The following HMCN2 variants were observed in gnomAD, a reference collection of about 807,000 sequenced individuals.
The protein encoded by HMCN2 is hemicentin-2.
A neutral mutation model predicts 377.5 loss-of-function variants in HMCN2; 325 were observed. The ratio of observed to expected loss-of-function variants is 0.86; its 90% CI spans 0.79 to 0.94. HMCN2 has a LOEUF of 0.94. Among genes scored for constraint, HMCN2 ranks in the 40% least tolerant of loss-of-function variants. The pLI is 0.00. For synonymous variants in HMCN2, 2,007 were observed against 2,046.8 expected, an observed-to-expected ratio of 0.98 and a Z score of 0.53; for missense variants, 4,543 against 4,725.3, an observed-to-expected ratio of 0.96 and a Z score of 1.13.
At position 130,423,008 on chromosome 9, in the gene HMCN2, G is replaced by A. The variant is rs181197059; in HGVS notation, c.13381+282G>A. Among the ~76,000 whole-genome samples the A allele has an allele frequency of 1.2e-3, 181 of 152,180 alleles. No individual in the cohort carries two copies. Among genetic ancestry groups the A allele is most frequent in the African/African-American group, 4.1e-3 (172 of 41,524 alleles). ...GAAACGGTCAGTGTTCTGGGGGTGC[G>A]GGCGCTCAGATTGTGGTTTCCCAAG... On this transcript the variant is annotated intron_variant, in intron 87 of 97. Transcript: ENST00000683500. The surrounding 1 kb of genome is among the most constrained non-coding windows in gnomAD (Gnocchi z 5.5).
In HMCN2 at chr9:130,400,840, T is replaced by C; in HGVS notation, c.11663T>C (p.Val3888Ala). The stretch of plus-strand genomic sequence containing the variant: ...TTCACCGTGACCATGATGGCACCTG[T>C]GGTCCTCACATGTCACAGCACGGGT... ...TDFTVTMMAPVVLTCHSTGIP... is the reference protein window; with the variant it reads ...TDFTVTMMAPAVLTCHSTGIP... Residue 3888 changes from valine (V) to alanine (A), a missense_variant, in exon 77 of 98, where the codon GTG becomes GCG. This residue lies in a region of HMCN2 where 1,073 missense variants were observed against 1,319.5 expected (regional missense o/e 0.81). Transcript: ENST00000683500. 7.8e-7 allele frequency: 1 copy of C among 1,289,664 alleles called. No individual in the cohort carries two copies. The highest frequency in any genetic ancestry group is 1.0e-6 in the Non-Finnish European group (1 of 988,808). 79.9% of individuals were successfully genotyped at this position (1,289,664 alleles called of 1,614,324 possible).
rs1225194322 is a variant in HMCN2, at chr9:130,295,706, C to G, written c.825C>G (p.Leu275=). Residue 275 remains leucine, a synonymous_variant, in exon 6 of 98, where the codon CTC becomes CTG. Transcript: ENST00000683500. ...AGGACGAGGGCCTCAACGTGCTTCT[C>G]AACATCCCTGACTCGGCCAAGGTCG... ...LQEDEGLNVL[L]NIPDSAKVVA... The G allele has an allele frequency of 6.4e-6, 3 of 470,978 alleles. No individual in the cohort carries two copies. Among genetic ancestry groups the G allele is most frequent in the African/African-American group, 2.0e-5 (1 of 50,078 alleles). 29.2% of individuals were successfully genotyped at this position (470,978 alleles called of 1,614,324 possible).
Position 130,309,938 on chromosome 9 carries a change from G to T in HMCN2, c.2227G>T (p.Glu743Ter), listed in dbSNP as rs782526544. 5 of 521,770 alleles carry T rather than the reference G, an allele frequency of 9.6e-6. No homozygotes were observed. Among genetic ancestry groups the T allele is most frequent in the Non-Finnish European group, 2.0e-5 (5 of 254,032 alleles). The allele number at this position is 521,770 out of a possible 1,614,324, so 32.3% of individuals were successfully genotyped here. A position where few individuals can be genotyped will look rare whatever the true frequency, so the allele number is the denominator to read the frequency against. ...RGGLEMILAP[E>*]GSSSGKLRIP... ...GGGTCTTGAAATGATCCTGGCCCCT[G>T]AGGGCTCCAGCTCTGGGAAGCTGCG... The change falls in exon 15 of 98, where the codon GAG becomes TAG. Residue 743 changes from glutamate (E) to a stop codon, truncating the protein, a stop_gained. Coordinates refer to ENST00000683500, the MANE Select transcript of HMCN2 (RefSeq NM_001291815.2). LOFTEE classifies it high-confidence loss of function.
intron 84 of HMCN2, among the ~76,000 whole-genome samples, chr9:130,409,303 C>T (rs575775747): frequency 2.6e-5 from 4 of 152,324 alleles, no homozygotes; most frequent in South Asian, 4.1e-4. Flanking sequence ...TATTTACAGA[C>T]GAAGACACTG....
At chr9:130,398,953 G>C (rs1407767665) in intron 75 of HMCN2, among the ~76,000 whole-genome samples, 1 of 152,068 alleles carries the variant, frequency 6.6e-6, no homozygotes, top group African/African-American at 2.4e-5. Flanking sequence ...AGTCACTCTT[G>C]TCTAAAAACA....
At chr9:130,374,802 T>A in intron 49 of HMCN2, 109 bp downstream of exon 49, 1 of 450,074 alleles carries the variant, frequency 2.2e-6, no homozygotes, top group Non-Finnish European at 2.9e-6. Flanking sequence ...ATTTTTCTTC[T>A]AATTCTCCGA....
rs187832827 is a variant in HMCN2, at chr9:130,359,995, G to A, written c.5774-433G>A. Among the ~76,000 whole-genome samples, 6 of 152,246 alleles carry A rather than the reference G, an allele frequency of 3.9e-5. No individual in the cohort carries two copies. In the East Asian group the frequency reaches 1.2e-3, roughly 29 times the overall value. ...GGTCCAGCCTGGCTTTGAGGCTGCT[G>A]CTTTGGGCTGGTCCATGTTCTCTAA... On this transcript the variant is annotated intron_variant, in intron 37 of 97. Transcript: ENST00000683500.
intron 84 of HMCN2, among the ~76,000 whole-genome samples, chr9:130,409,268 A>G (rs1478721279): frequency 2.6e-5 from 4 of 152,206 alleles, no homozygotes; most frequent in Admixed American, 1.3e-4. Flanking sequence ...CTCAGGGGGT[A>G]GGGTAGGCAG....
chr9:130,420,223 C>A (rs187471673), intron 86 of HMCN2, among the ~76,000 whole-genome samples: 1 of 151,946 alleles, frequency 6.6e-6, no homozygotes, highest in Admixed American at 6.6e-5. Flanking sequence ...TACAGGCACC[C>A]GCCACCATGC....
In HMCN2 at chr9:130,299,248, C is replaced by T. The variant is rs1554933343; in HGVS notation, c.1236C>T (p.Leu412=). The T allele has an allele frequency of 2.1e-6, 1 of 470,870 alleles. No individual in the cohort carries two copies. The highest frequency in any genetic ancestry group is 1.6e-5 in the South Asian group (1 of 64,510). 29.2% of individuals were successfully genotyped at this position (470,870 alleles called of 1,614,324 possible). ...GCAAGGACCATGAGGGAAACCCCCT[C>T]CTTCGTGTCTCTGGAGTGTCCTACA... is the stretch of plus-strand genomic sequence containing the variant. ...VKGKDHEGNP[L]LRVSGVSYSG... The change falls in exon 8 of 98, where the codon CTC becomes CTT. Residue 412 remains leucine, a synonymous_variant. Transcript: ENST00000683500.
chr9:130,285,418 T>C (rs1554927356), intron 3 of HMCN2, 102 bp downstream of exon 3: 3 of 408,584 alleles, frequency 7.3e-6, no homozygotes, highest in African/African-American at 6.2e-5. Context: ...AGAGCAGAGC[T>C]GGGCACTTCT....
intron 29 of HMCN2, among the ~76,000 whole-genome samples, chr9:130,350,869 C>T (rs1454458969): frequency 1.3e-5 from 2 of 151,948 alleles, no homozygotes; most frequent in African/African-American, 4.8e-5. Context: ...TACTACTGCA[C>T]TCCAGCCTGG....
chr9:130,330,968 A>AAC (rs1173053980), intron 22 of HMCN2, among the ~76,000 whole-genome samples: 13,612 of 131,256 alleles, frequency 0.1, 758 homozygotes, highest in East Asian at 0.22. Flanking sequence ...TCTCTACTGA[A>AAC]ACACACACAC....
chr9:130,430,233 G>T, intron 94 of HMCN2, 51 bp from the exon 95 acceptor site: 1 of 1,421,116 alleles, frequency 7.0e-7, no homozygotes, highest in Non-Finnish European at 9.4e-7. Context: ...GCTGCAGGCT[G>T]CAGGGGAACC....
intron 1 of HMCN2, among the ~76,000 whole-genome samples, chr9:130,282,386 G>A (rs575206621): frequency 1.3e-5 from 2 of 151,646 alleles, no homozygotes; most frequent in South Asian, 2.1e-4. Context: ...TTGGGGCAGT[G>A]AAGTGAGCTC....
chr9:130,341,973 C>T (rs1020781523), intron 24 of HMCN2, among the ~76,000 whole-genome samples: 1 of 150,532 alleles, frequency 6.6e-6, no homozygotes, highest in African/African-American at 2.4e-5. Flanking sequence ...CCCAGGAGTT[C>T]GAGACCAGTC....
chr9:130,432,601 T>G, intron 97 of HMCN2, 46 bp downstream of exon 97: 1 of 1,535,444 alleles, frequency 6.5e-7, no homozygotes, highest in East Asian at 2.5e-5. Context: ...GAAAAGCACA[T>G]TTTTCAGTCA....
chr9:130,375,534 A>G (rs1361078109), intron 49 of HMCN2, 29 bp from the exon 50 acceptor site: 1 of 985,246 alleles, frequency 1.0e-6, no homozygotes, highest in African/African-American at 1.7e-5. Context: ...ATCTCTGCTC[A>G]TAACTGCCTC....
At chr9:130,309,045 G>A (rs964654652) in intron 14 of HMCN2, among the ~76,000 whole-genome samples, 1 of 152,260 alleles carries the variant, frequency 6.6e-6, no homozygotes, top group Admixed American at 6.5e-5. Context: ...CAGTGTGAAT[G>A]CACTGGATGC....
Sources: gnomAD v4.1 joint callset for allele counts (sites outside exome capture counted in the v4.1 genomes callset) on GRCh38, gnomAD v4.1.1 for gene constraint, gnomAD v4.1.1 regional missense constraint, Gnocchi (gnomAD v3.1) non-coding constraint, MANE v1.5 for transcripts, NCBI Gene and HGNC (gene_info 2026-07-23, HGNC 2026-07-21) for gene names.